ARID1A: variants seen among roughly 807,000 people sequenced by gnomAD.
ARID1A encodes AT-rich interactive domain-containing protein 1A.
In ARID1A, 20 loss-of-function variants were observed where a neutral mutation model predicts 212.6. The ratio of observed to expected loss-of-function variants is 0.09; its 90% CI spans 0.07 to 0.14. The LOEUF (loss-of-function observed/expected upper bound fraction) is 0.14, where lower values mean the gene tolerates loss of function less well. Among genes scored for constraint, ARID1A ranks in the 10% least tolerant of loss-of-function variants. The pLI is 1.00. For synonymous variants in ARID1A, 1,376 were observed against 1,222.1 expected (o/e 1.13, Z -2.63); for missense variants, 2,587 against 3,059.0 (o/e 0.85, Z 3.64).
intron 1 of ARID1A, among the ~76,000 whole-genome samples, chr1:26,723,855 GTCAT>G (rs1056683357): frequency 4.6e-5 from 7 of 152,018 alleles, no homozygotes; most frequent in African/African-American, 1.7e-4. Flanking sequence ...TACTGTTGGT[GTCAT>G]TCATTCGGTG....
rs142429183 is a variant in ARID1A, at chr1:26,773,422, C to T, written c.3792C>T (p.Ala1264=). Residue 1264 remains alanine, a synonymous_variant, in exon 15 of 20, where the codon GCC becomes GCT. Coordinates refer to ENST00000324856, the MANE Select transcript of ARID1A (RefSeq NM_006015.6). ...GGMGDPYSRA[A]GPGLGNVAMG... ...TGGGTGACCCCTACAGTCGTGCTGC[C>T]GGCCCTGGGCTAGGAAATGTGGCGA... The T allele has an allele frequency of 8.5e-4, 1,379 of 1,613,508 alleles. 1 individual carries two copies. The highest frequency in any genetic ancestry group is 1.1e-3 in the Non-Finnish European group (1,292 of 1,179,718).
chr1:26,708,796 G>A lies in ARID1A; in HGVS notation c.1137+11256G>A, dbSNP rs540778936. 8.0e-4 allele frequency among the ~76,000 whole-genome samples: 121 copies of A among 151,706 alleles called. 1 individual carries two copies. Among genetic ancestry groups the A allele is most frequent in the African/African-American group, 2.9e-3 (118 of 41,296 alleles). On this transcript the variant is annotated intron_variant, in intron 1 of 19. Transcript: ENST00000324856. ...TGCAAGCTCCGTCTCCTGGGTTCACGCCATTCTCCTGCCTCAGCCTCCCGA... is the reference window on the plus strand; with the variant it reads ...TGCAAGCTCCGTCTCCTGGGTTCACACCATTCTCCTGCCTCAGCCTCCCGA...
chr1:26,772,162 C>T, intron 12 of ARID1A: 1 of 245,722 alleles, frequency 4.1e-6, no homozygotes. Flanking sequence ...GCTCATGCAC[C>T]AGCATTACAG....
At chr1:26,764,032 C>T (rs1405471198) in intron 8 of ARID1A, among the ~76,000 whole-genome samples, 1 of 152,072 alleles carries the variant, frequency 6.6e-6, no homozygotes, top group Non-Finnish European at 1.5e-5. Context: ...TGTAATGGCA[C>T]ACTTTCAGCT....
intron 1 of ARID1A, chr1:26,727,564 G>A (rs1205312271): frequency 9.2e-5 from 14 of 152,176 alleles, no homozygotes; most frequent in Non-Finnish European, 2.1e-4. Flanking sequence ...AAGGAGGTTG[G>A]AGAAGAGCAC....
rs778655919 is a variant in ARID1A, at chr1:26,774,896, C to G, written c.4669C>G (p.Pro1557Ala). 2.2e-5 allele frequency: 31 copies of G among 1,418,582 alleles called. No homozygotes were observed. The highest frequency in any genetic ancestry group is 2.4e-5 in the Non-Finnish European group (25 of 1,050,234). 87.9% of individuals were successfully genotyped at this position (1,418,582 alleles called of 1,614,324 possible). A position where few individuals can be genotyped will look rare whatever the true frequency, so the allele number is the denominator to read the frequency against. Reference sequence around the variant, plus strand: ...TGGCACACGCCAGCCCCCATATGGTCCCTCTGCCCCTGTGCCCCCCATGAC... The same window carrying G: ...TGGCACACGCCAGCCCCCATATGGTGCCTCTGCCCCTGTGCCCCCCATGAC... Reference protein sequence around the residue: ...SHGTRQPPYGPSAPVPPMTRP... With the variant: ...SHGTRQPPYGASAPVPPMTRP... Residue 1557 changes from proline (P) to alanine (A), a missense_variant, in exon 18 of 20, where the codon CCC becomes GCC. Pro to Ala is a conservative substitution (Grantham distance 27, BLOSUM62 -1). Transcript: ENST00000324856. The surrounding 1 kb of genome is among the most constrained non-coding windows in gnomAD (Gnocchi z 5.6).
rs192836594 is a variant in ARID1A, at chr1:26,719,813, C to T, written c.1138-9838C>T. Among the ~76,000 whole-genome samples, 260 of 151,278 alleles carry T rather than the reference C, an allele frequency of 1.7e-3. 5 individuals are homozygous for T. The highest frequency in any genetic ancestry group is 3.7e-4 in the Non-Finnish European group (25 of 67,862). ...AAAATTAGCCGGGCATGGTGACATG[C>T]GCCTGTAATCCCAGCTACTCGGGAG... On this transcript the variant is annotated intron_variant, in intron 1 of 19. Coordinates refer to ENST00000324856, the MANE Select transcript of ARID1A (RefSeq NM_006015.6).
rs2124068020 is a variant in ARID1A at position 26,763,019 on chromosome 1, C to T, written c.2466C>T (p.Asn822=). 6.2e-7 allele frequency: 1 copy of T among 1,610,468 alleles called. No individual in the cohort carries two copies. Among genetic ancestry groups the T allele is most frequent in the Non-Finnish European group, 8.5e-7 (1 of 1,176,948 alleles). The part of the protein sequence containing the change: ...QPNYNALPNA[N]YPSAGMAGGI... The stretch of plus-strand genomic sequence containing the variant: ...ACTATAATGCCTTGCCCAATGCCAA[C>T]TACCCCAGTGCAGGCATGGCTGGAG... The change falls in exon 8 of 20, where the codon AAC becomes AAT. Residue 822 remains asparagine, a synonymous_variant. Coordinates refer to ENST00000324856, the MANE Select transcript of ARID1A (RefSeq NM_006015.6).
chr1:26,716,861 G>A (rs1015294587), intron 1 of ARID1A, among the ~76,000 whole-genome samples: 5 of 152,058 alleles, frequency 3.3e-5, no homozygotes, highest in African/African-American at 4.8e-5. Context: ...CCTGATCTCA[G>A]GTGATCTGCC....
rs2124124455 is a variant in ARID1A, at chr1:26,775,234, C to T, written c.4993+14C>T. On this transcript the variant is annotated intron_variant, in intron 18 of 19. Transcript: ENST00000324856. ...TGAAAGACATTGGTAAGGAGATCTTCCTCATTCGGTTGCCTAATCTGCCCC... is the reference window on the plus strand; with the variant it reads ...TGAAAGACATTGGTAAGGAGATCTTTCTCATTCGGTTGCCTAATCTGCCCC... 3 of 1,560,626 alleles carry T rather than the reference C, an allele frequency of 1.9e-6. No individual in the cohort carries two copies. Among genetic ancestry groups the T allele is most frequent in the Non-Finnish European group, 2.6e-6 (3 of 1,154,094 alleles).
chr1:26,755,557 A>T (rs2080921275), intron 4 of ARID1A, among the ~76,000 whole-genome samples: 1 of 152,148 alleles, frequency 6.6e-6, no homozygotes. Flanking sequence ...AGATGCCTCC[A>T]GAGTTCTGAG....
intron 4 of ARID1A, among the ~76,000 whole-genome samples, chr1:26,743,404 C>A (rs1244429850): frequency 2.0e-5 from 3 of 151,976 alleles, no homozygotes; most frequent in African/African-American, 7.3e-5. Context: ...CATGTTGTGC[C>A]CAGAACAGGC....
intron 11 of ARID1A, 183 bp from the exon 12 acceptor site, chr1:26,770,936 T>C: frequency 3.3e-6 from 2 of 609,938 alleles, no homozygotes; most frequent in Non-Finnish European, 5.7e-6. Context: ...GAGGGTAAAA[T>C]GAAGCCAGCT....
chr1:26,696,160 C>T lies in ARID1A; in HGVS notation c.-244C>T. 2 of 508,750 alleles carry T rather than the reference C, an allele frequency of 3.9e-6. No individual in the cohort carries two copies. Among genetic ancestry groups the T allele is most frequent in the Non-Finnish European group, 5.6e-6 (2 of 358,972 alleles). 31.5% of individuals were successfully genotyped at this position (508,750 alleles called of 1,614,324 possible). On this transcript the variant is annotated 5_prime_UTR_variant, in exon 1 of 20. The change creates a premature stop within an existing upstream ORF in the 5' untranslated region. Coordinates refer to ENST00000324856, the MANE Select transcript of ARID1A (RefSeq NM_006015.6). Reference sequence around the variant, plus strand: ...GGTCCCGAGCCTACAGAGCCGGGAGCAGCTGAGCCGCCGGCGCCTCGGCCG... The same window carrying T: ...GGTCCCGAGCCTACAGAGCCGGGAGTAGCTGAGCCGCCGGCGCCTCGGCCG...
chr1:26,769,655 G>A (rs1413046208), intron 11 of ARID1A: 1 of 152,226 alleles, frequency 6.6e-6, no homozygotes, highest in Non-Finnish European at 1.5e-5. Context: ...TAGTATCATA[G>A]GTATCATATC....
intron 1 of ARID1A, among the ~76,000 whole-genome samples, chr1:26,712,530 A>AT (rs1337954996): frequency 3.3e-5 from 5 of 151,860 alleles, no homozygotes; most frequent in East Asian, 3.9e-4. Context: ...CTTAAAAAAA[A>AT]TTTTTTTTAA....
intron 1 of ARID1A, among the ~76,000 whole-genome samples, chr1:26,702,383 T>C (rs1277542191): frequency 6.6e-6 from 1 of 152,184 alleles, no homozygotes; most frequent in Non-Finnish European, 1.5e-5. Flanking sequence ...AGAAGTGTAA[T>C]TTAGGTATAT....
rs981247939 is a variant in ARID1A, at chr1:26,780,922, C to T, written c.*166C>T. The T allele has an allele frequency of 6.7e-5, 65 of 966,502 alleles. No individual in the cohort carries two copies. The highest frequency in any genetic ancestry group is 1.5e-4 in the Admixed American group (5 of 33,492). The allele number at this position is 966,502 out of a possible 1,614,324, so 59.9% of individuals were successfully genotyped here. On this transcript the variant is annotated 3_prime_UTR_variant, in exon 20 of 20. Transcript: ENST00000324856. The surrounding 1 kb of genome is among the most constrained non-coding windows in gnomAD (Gnocchi z 7.2). ...CTCTCCTGTTTCTCTCTCCTCCTTC[C>T]ACCTCCCCTCCCTCCATCACCTCAC...
rs752665864 is a variant in ARID1A, at chr1:26,729,839, G to GGGC, written c.1330_1332dup (p.Gly444dup). 1.9e-5 allele frequency: 31 copies of GGGC among 1,614,060 alleles called. No individual in the cohort carries two copies. The Admixed American group carries it at 5.2e-4, about 27-fold the overall frequency. On this transcript the variant is annotated inframe_insertion, in exon 2 of 20. Coordinates refer to ENST00000324856, the MANE Select transcript of ARID1A (RefSeq NM_006015.6). The stretch of plus-strand genomic sequence containing the variant: ...TGCAGGGCCGGGCGCAGAGTGCCAT[G>GGGC]GGCGGCCTCTCTTATACACAGCAGG...
Sources: allele counts gnomAD v4.1 joint callset (sites outside exome capture counted in the v4.1 genomes callset), GRCh38; gene constraint gnomAD v4.1.1; non-coding constraint Gnocchi (gnomAD v3.1); transcripts MANE v1.5; gene names NCBI Gene and HGNC (gene_info 2026-07-23, HGNC 2026-07-21).